GRB14: variants seen among roughly 807,000 people sequenced by gnomAD.
GRB14 encodes growth factor receptor bound protein 14, also known as growth factor receptor-bound protein 14.
In GRB14, 38 loss-of-function variants were observed where a neutral mutation model predicts 69.1. The ratio of observed to expected loss-of-function variants is 0.55; its 90% CI spans 0.42 to 0.72. The LOEUF (loss-of-function observed/expected upper bound fraction) is 0.72, where lower values mean the gene tolerates loss of function less well. Ranked by LOEUF, GRB14 falls within the 30% of genes least tolerant of loss-of-function variation. The pLI is 0.00. For missense variants in GRB14, 666 were observed against 666.1 expected (o/e 1.00, Z 0.00); for synonymous variants, 247 against 241.3 (o/e 1.02, Z -0.22).
chr2:164,549,016 T>G (rs1432392550), intron 2 of GRB14, among the ~76,000 whole-genome samples: 1 of 152,042 alleles, frequency 6.6e-6, no homozygotes, highest in Non-Finnish European at 1.5e-5. Context: ...TAGCTGGGAT[T>G]ACAGGCATGC....
intron 2 of GRB14, among the ~76,000 whole-genome samples, chr2:164,604,084 G>A (rs1203452831): frequency 1.3e-5 from 2 of 152,154 alleles, no homozygotes; most frequent in Admixed American, 6.6e-5. Context: ...TTTAAATTCT[G>A]AAAATACCAG....
chr2:164,532,816 T>C (rs1001840179), intron 3 of GRB14, among the ~76,000 whole-genome samples: 2 of 152,200 alleles, frequency 1.3e-5, no homozygotes, highest in Non-Finnish European at 2.9e-5. Context: ...TATAATAATG[T>C]AATAAGCAAG....
chr2:164,497,028 A>C lies in GRB14; in HGVS notation c.1362T>G (p.Ile454Met). Reference protein sequence around the residue: ...ISRDEAQRLIIQQGLVDGVFL... With the variant: ...ISRDEAQRLIMQQGLVDGVFL... The stretch of plus-strand genomic sequence containing the variant: ...CTTACCCATCCACAAGTCCTTGCTG[A>C]ATAATCAATCGCTGAGCCTCATCTC... Residue 454 changes from isoleucine to methionine, a missense_variant, in exon 12 of 14, where the codon ATT (isoleucine) becomes ATG (methionine). By Grantham distance (10) the Ile-to-Met change is conservative. Transcript: ENST00000263915. 6.2e-7 allele frequency: 1 copy of C among 1,613,884 alleles called. No individual in the cohort carries two copies. The highest frequency in any genetic ancestry group is 8.5e-7 in the Non-Finnish European group (1 of 1,179,808).
At chr2:164,514,057 T>C (rs1687413238) in intron 6 of GRB14, among the ~76,000 whole-genome samples, 1 of 152,242 alleles carries the variant, frequency 6.6e-6, no homozygotes, top group African/African-American at 2.4e-5. Flanking sequence ...ATGTAACCAT[T>C]ATATAGGTAA....
rs568277205 is a variant in GRB14 at position 164,558,510 on chromosome 2, T to C, written c.325-10694A>G. On this transcript the variant is annotated intron_variant, in intron 2 of 13. Coordinates refer to ENST00000263915, the MANE Select transcript of GRB14 (RefSeq NM_004490.3). Reference sequence around the variant, plus strand: ...AAATCACAAATCCCACACTAAAGTTTCCGATGATTTCATCAAAGCTGTGTT... The same window carrying C: ...AAATCACAAATCCCACACTAAAGTTCCCGATGATTTCATCAAAGCTGTGTT... Among the ~76,000 whole-genome samples the C allele has an allele frequency of 5.3e-5, 8 of 152,252 alleles. No individual in the cohort carries two copies. The South Asian group carries it at 1.7e-3, about 32-fold the overall frequency.
At chr2:164,511,887 G>A (rs1687348186) in intron 6 of GRB14, among the ~76,000 whole-genome samples, 1 of 152,144 alleles carries the variant, frequency 6.6e-6, no homozygotes, top group Non-Finnish European at 1.5e-5. Flanking sequence ...CATGCTCTGA[G>A]TCAGAGGGGA....
At chr2:164,599,007 T>C (rs1689853468) in intron 2 of GRB14, among the ~76,000 whole-genome samples, 1 of 152,206 alleles carries the variant, frequency 6.6e-6, no homozygotes, top group African/African-American at 2.4e-5. Flanking sequence ...AATTCTTCTG[T>C]TCTACATGGT....
intron 6 of GRB14, among the ~76,000 whole-genome samples, chr2:164,521,155 CAGAT>C (rs551667628): frequency 2.6e-5 from 4 of 152,004 alleles, no homozygotes; most frequent in African/African-American, 4.8e-5. Context: ...GATAGACAGA[CAGAT>C]AGATAGACAG....
At chr2:164,504,156 G>A (rs919000423) in intron 8 of GRB14, among the ~76,000 whole-genome samples, 1 of 151,670 alleles carries the variant, frequency 6.6e-6, no homozygotes, top group African/African-American at 2.4e-5. Context: ...GTCTCCATCT[G>A]ATCCATATGA....
intron 2 of GRB14, among the ~76,000 whole-genome samples, chr2:164,571,907 T>C (rs941438566): frequency 7.9e-5 from 12 of 152,258 alleles, no homozygotes; most frequent in Non-Finnish European, 1.6e-4. Context: ...CATAGCTTGA[T>C]ACATTAGCAT....
chr2:164,595,299 C>T (rs778734718), intron 2 of GRB14, among the ~76,000 whole-genome samples: 5 of 152,126 alleles, frequency 3.3e-5, no homozygotes, highest in Non-Finnish European at 7.3e-5. Context: ...AAGACACAAT[C>T]CCTATTCTCA....
At chr2:164,593,717 C>CA (rs1416508124) in intron 2 of GRB14, among the ~76,000 whole-genome samples, 1 of 152,140 alleles carries the variant, frequency 6.6e-6, no homozygotes, top group East Asian at 1.9e-4. Flanking sequence ...CCCTAGAGAG[C>CA]AACGTCTCTC....
chr2:164,534,167 T>G (rs987984229), intron 3 of GRB14, among the ~76,000 whole-genome samples: 1 of 152,194 alleles, frequency 6.6e-6, no homozygotes, highest in African/African-American at 2.4e-5. Flanking sequence ...GTGGATTGAA[T>G]GCAGCTATAG....
chr2:164,493,324 C>A (rs1686808371), intron 13 of GRB14, 142 bp from the exon 14 acceptor site: 8 of 671,484 alleles, frequency 1.2e-5, no homozygotes, highest in Non-Finnish European at 1.9e-5. Context: ...TACGGCATAT[C>A]TACTTGTTTT....
At position 164,585,085 on chromosome 2, in the gene GRB14, CTTTTTTTTTTTTTTTTTTTTTTTT is replaced by C. The variant is rs146962375; in HGVS notation, c.324+34578_324+34601del. Reference sequence around the variant, plus strand: ...AGCCCCTTCATACCACCATGCCTGGCTTTTTTTTTTTTTTTTTTTTTTTTTTTTTTTTTTTTTTTTTTAGTAGAG... The same window carrying C: ...AGCCCCTTCATACCACCATGCCTGGCTTTTTTTTTTTTTTTTTTAGTAGAG... On this transcript the variant is annotated intron_variant, in intron 2 of 13. Transcript: ENST00000263915. 2.4e-4 allele frequency among the ~76,000 whole-genome samples: 13 copies of C among 54,384 alleles called. 1 individual carries two copies. In the South Asian group the frequency reaches 4.2e-3, roughly 18 times the overall value. 35.7% of individuals were successfully genotyped at this position (54,384 alleles called of 152,430 possible).
chr2:164,556,165 T>C (rs576224446), intron 2 of GRB14, among the ~76,000 whole-genome samples: 5 of 152,280 alleles, frequency 3.3e-5, no homozygotes. Context: ...AAATCTCTAA[T>C]TGTGTTTTTA....
chr2:164,549,863 AAAAATAAAATAAAAT>A (rs10557491), intron 2 of GRB14, among the ~76,000 whole-genome samples: 19,117 of 109,904 alleles, frequency 0.17, 2,010 homozygotes, highest in East Asian at 0.33. Context: ...GACTCCATCT[AAAAATAAAATAAAAT>A]AAAATAAAAT....
intron 2 of GRB14, among the ~76,000 whole-genome samples, chr2:164,599,226 A>C (rs1689859309): frequency 6.6e-6 from 1 of 152,224 alleles, no homozygotes; most frequent in South Asian, 2.1e-4. Flanking sequence ...TCCCAAAGAG[A>C]GTATTCTAAG....
intron 7 of GRB14, 45 bp downstream of exon 7, chr2:164,508,697 G>A: frequency 6.7e-7 from 1 of 1,493,678 alleles, no homozygotes; most frequent in Non-Finnish European, 9.1e-7. Flanking sequence ...TTACCTAAAA[G>A]GCTGAGGCTT....
Sources: gnomAD v4.1 joint callset for allele counts (sites outside exome capture counted in the v4.1 genomes callset) on GRCh38, gnomAD v4.1.1 for gene constraint, MANE v1.5 for transcripts, NCBI Gene and HGNC (gene_info 2026-07-23, HGNC 2026-07-21) for gene names.